TTC28: variants seen among roughly 807,000 people sequenced by gnomAD.
The protein encoded by TTC28 is tetratricopeptide repeat domain 28.
Under a neutral mutation model 198.0 loss-of-function variants are expected in TTC28, and 61 were observed. That is an observed-to-expected ratio of 0.31 (90% confidence interval 0.25 to 0.38). TTC28 has a LOEUF of 0.38. Ranked by LOEUF, TTC28 falls within the 10% of genes least tolerant of loss-of-function variation. The pLI, the probability that TTC28 is intolerant of heterozygous loss-of-function variation, is 1.00. For synonymous variants in TTC28, 1,171 were observed against 1,297.8 expected, an observed-to-expected ratio of 0.90 and a Z score of 2.10; for missense variants, 2,678 against 3,164.0, an observed-to-expected ratio of 0.85 and a Z score of 3.69.
At chr22:28,131,429 G>A (rs958336726) in intron 6 of TTC28, among the ~76,000 whole-genome samples, 5 of 152,106 alleles carry the variant, frequency 3.3e-5, no homozygotes, top group Non-Finnish European at 5.9e-5. Context: ...AGAAATCACT[G>A]GCAACACACT....
intron 12 of TTC28, among the ~76,000 whole-genome samples, chr22:28,090,790 C>T (rs951889920): frequency 2.2e-4 from 33 of 152,136 alleles, no homozygotes; most frequent in Admixed American, 1.4e-3. Flanking sequence ...AACTATGAGA[C>T]ACGAATCGCT....
In TTC28 at chr22:28,107,327, T is replaced by C. The variant is rs781175227; in HGVS notation, c.2518A>G (p.Met840Val). ...PSLEAQVYGNMGITKMNMNVM... is the reference protein window; with the variant it reads ...PSLEAQVYGNVGITKMNMNVM... ...TTCATGTTCATCTTTGTGATGCCCATGTTGCCATAGACCTGGGCTTCCAGA... is the reference window on the plus strand; with the variant it reads ...TTCATGTTCATCTTTGTGATGCCCACGTTGCCATAGACCTGGGCTTCCAGA... The change falls in exon 7 of 23, where the codon ATG becomes GTG. Residue 840 changes from methionine to valine, a missense_variant. This residue lies in a region of TTC28 where 775 missense variants were observed against 845.9 expected (regional missense o/e 0.92). Coordinates refer to ENST00000397906, the MANE Select transcript of TTC28 (RefSeq NM_001145418.2). The C allele has an allele frequency of 1.2e-4, 179 of 1,551,840 alleles. No homozygotes were observed. The highest frequency in any genetic ancestry group is 1.4e-4 in the Non-Finnish European group (163 of 1,147,042).
intron 2 of TTC28, among the ~76,000 whole-genome samples, chr22:28,452,938 T>C (rs2047807238): frequency 6.6e-6 from 1 of 152,172 alleles, no homozygotes; most frequent in African/African-American, 2.4e-5. Context: ...CAGAGAGAAC[T>C]TGCTCTGGAA....
intron 2 of TTC28, chr22:28,459,755 T>G (rs6005786): frequency 6.1e-4 from 93 of 152,342 alleles, no homozygotes; most frequent in African/African-American, 2.1e-3. Flanking sequence ...TCGGAGTCAA[T>G]GCCTGGCTCT....
chr22:28,062,178 C>T (rs938043623), intron 12 of TTC28, among the ~76,000 whole-genome samples: 8 of 152,050 alleles, frequency 5.3e-5, no homozygotes, highest in Non-Finnish European at 1.0e-4. Context: ...CTGCCTCAGC[C>T]GCCTGAGTAA....
chr22:28,503,492 G>GT (rs998012281), intron 2 of TTC28, among the ~76,000 whole-genome samples: 2 of 152,074 alleles, frequency 1.3e-5, no homozygotes, highest in Non-Finnish European at 2.9e-5. Flanking sequence ...AACTTACTAA[G>GT]TAAATTTGAA....
At chr22:28,518,757 T>C (rs951293907) in intron 2 of TTC28, among the ~76,000 whole-genome samples, 2 of 152,204 alleles carry the variant, frequency 1.3e-5, no homozygotes, top group African/African-American at 2.4e-5. Flanking sequence ...ATTAGGAAGA[T>C]AGTAAAAAGA....
At chr22:28,530,488 G>A (rs921731530) in intron 2 of TTC28, among the ~76,000 whole-genome samples, 1 of 152,132 alleles carries the variant, frequency 6.6e-6, no homozygotes, top group Non-Finnish European at 1.5e-5. Context: ...AACACTCTCA[G>A]GATATTATCC....
chr22:28,527,895 G>A (rs1462852006), intron 2 of TTC28, among the ~76,000 whole-genome samples: 1 of 152,086 alleles, frequency 6.6e-6, no homozygotes, highest in Non-Finnish European at 1.5e-5. Flanking sequence ...GACCTCCCAA[G>A]GTTTACAGGC....
At position 28,001,385 on chromosome 22, in the gene TTC28, C is replaced by T. The variant is rs781241952; in HGVS notation, c.4387G>A (p.Val1463Met). 37 of 1,550,332 alleles carry T rather than the reference C, an allele frequency of 2.4e-5. No individual in the cohort carries two copies. In the South Asian group the frequency reaches 3.2e-4, roughly 13 times the overall value. ...TGTGTGAGCCTTACCTTGGACTGCA[C>T]GCTGAGGGAGCGGATGGAAGGGACA... ...LAVPSIRSLS[V>M]QSKSHLRKNP... The change falls in exon 15 of 23, where the codon GTG becomes ATG. Residue 1463 changes from valine (V) to methionine (M), a missense_variant. Physicochemically the swap from Val to Met is conservative, Grantham distance 21 (BLOSUM62 1). Transcript: ENST00000397906.
chr22:28,463,942 A>C (rs1056052278), intron 2 of TTC28, among the ~76,000 whole-genome samples: 2 of 151,894 alleles, frequency 1.3e-5, no homozygotes, highest in Non-Finnish European at 2.9e-5. Context: ...AAAAATAAAA[A>C]TTAAAATAAA....
chr22:28,083,905 C>T (rs1045643658), intron 12 of TTC28, among the ~76,000 whole-genome samples: 16 of 152,220 alleles, frequency 1.1e-4, no homozygotes, highest in African/African-American at 2.2e-4. Flanking sequence ...CACGGAGCCT[C>T]GCTCATTGCT....
chr22:28,456,724 T>C (rs2047866001), intron 2 of TTC28, among the ~76,000 whole-genome samples: 1 of 152,138 alleles, frequency 6.6e-6, no homozygotes, highest in Non-Finnish European at 1.5e-5. Flanking sequence ...TACAGGCGCA[T>C]GCCACCATGC....
chr22:28,079,903 T>A (rs929522866), intron 12 of TTC28, among the ~76,000 whole-genome samples: 16 of 152,098 alleles, frequency 1.1e-4, no homozygotes, highest in African/African-American at 3.9e-4. Context: ...GTTTTAAAAA[T>A]TTTTTTGTAG....
intron 2 of TTC28, among the ~76,000 whole-genome samples, chr22:28,553,114 A>G (rs2049715802): frequency 6.6e-6 from 1 of 152,196 alleles, no homozygotes; most frequent in Non-Finnish European, 1.5e-5. Flanking sequence ...GCTGGAGTGC[A>G]GTGGCGTGAT....
chr22:28,040,140 C>A (rs147431790), intron 12 of TTC28, among the ~76,000 whole-genome samples: 3,010 of 152,240 alleles, frequency 0.02, 101 homozygotes, highest in African/African-American at 0.069. Context: ...AGATTCACAG[C>A]CAAATTCTAC....
chr22:28,252,195 T>C (rs1044297732), intron 5 of TTC28, among the ~76,000 whole-genome samples: 31 of 152,176 alleles, frequency 2.0e-4, no homozygotes, highest in African/African-American at 7.5e-4. Context: ...CCTTTCCTAT[T>C]ATCCAGGAGT....
chr22:27,981,513 G>GAGTT lies in TTC28; in HGVS notation c.*704_*707dup, dbSNP rs1363228074. On this transcript the variant is annotated 3_prime_UTR_variant, in exon 23 of 23. Coordinates refer to ENST00000397906, the MANE Select transcript of TTC28 (RefSeq NM_001145418.2). ...GCATAGTTCTAAAATGCCTGGATAAGAGTTACATAATTTTTTTTTTAAGAA... is the reference window on the plus strand; with the variant it reads ...GCATAGTTCTAAAATGCCTGGATAAGAGTTAGTTACATAATTTTTTTTTTAAGAA... The GAGTT allele has an allele frequency of 6.6e-6, 1 of 151,840 alleles. No homozygotes were observed. The highest frequency in any genetic ancestry group is 2.4e-5 in the African/African-American group (1 of 41,326). 9.4% of individuals were successfully genotyped at this position (151,840 alleles called of 1,614,324 possible).
At chr22:28,424,142 T>C (rs1042985159) in intron 2 of TTC28, among the ~76,000 whole-genome samples, 24 of 152,228 alleles carry the variant, frequency 1.6e-4, no homozygotes, top group Non-Finnish European at 1.6e-4. Context: ...AGAAATTGTA[T>C]ATATTTAGGG....
Sources: gnomAD v4.1 joint callset for allele counts (sites outside exome capture counted in the v4.1 genomes callset) on GRCh38, gnomAD v4.1.1 for gene constraint, gnomAD v4.1.1 regional missense constraint, MANE v1.5 for transcripts, NCBI Gene and HGNC (gene_info 2026-07-23, HGNC 2026-07-21) for gene names.